VWA5B2: variants seen among roughly 807,000 people sequenced by gnomAD.
The protein encoded by VWA5B2 is von Willebrand factor A domain-containing protein 5B2.
VWA5B2 carries 93 observed loss-of-function variants against 118.5 expected under a neutral mutation model. That is an observed-to-expected ratio of 0.79 (90% CI 0.66 to 0.93). VWA5B2 has a LOEUF of 0.93. VWA5B2 is among the 40% of genes least tolerant of loss of function. The probability of loss-of-function intolerance (pLI) is 0.00; values close to 1 mark genes in which losing one functional copy is unlikely to be tolerated. For missense variants in VWA5B2, 1,546 were observed against 1,672.8 expected (o/e 0.92, Z 1.32); for synonymous variants, 708 against 716.3 (o/e 0.99, Z 0.19).
rs1262711996 is a variant in VWA5B2, at chr3:184,240,011, AG to A, written c.2719del (p.Ala907GlnfsTer34). ...RDNEQLALRG[G>X]AETTADRGHA... ...ACAATGAGCAGCTGGCCCTCCGAGG[AG>A]GGGCAGAGACCACAGCTGACCGGGG... On this transcript the variant is annotated frameshift_variant, in exon 16 of 20. Coordinates refer to ENST00000691901, the MANE Select transcript of VWA5B2 (RefSeq NM_001390846.1). LOFTEE classifies it high-confidence loss of function. The A allele has an allele frequency of 3.2e-6, 5 of 1,547,128 alleles. No individual in the cohort carries two copies. Among genetic ancestry groups the A allele is most frequent in the Non-Finnish European group, 4.4e-6 (5 of 1,145,410 alleles).
At position 184,238,878 on chromosome 3, in the gene VWA5B2, G is replaced by C. The variant is rs1465845695; in HGVS notation, c.2202+5G>C. ...CCCACACCAGCTCCATTCAAGGTGA[G>C]ATCCAACCCACATTCATTCGCCTTG... On this transcript the variant is annotated splice_donor_5th_base_variant and intron_variant, in intron 14 of 19. Transcript: ENST00000691901. The surrounding 1 kb of genome is among the most constrained non-coding windows in gnomAD (Gnocchi z 5.0). The C allele has an allele frequency of 1.3e-6, 2 of 1,481,824 alleles. No individual in the cohort carries two copies. Among genetic ancestry groups the C allele is most frequent in the Non-Finnish European group, 1.8e-6 (2 of 1,109,328 alleles). The allele number at this position is 1,481,824 out of a possible 1,614,324, so 91.8% of individuals were successfully genotyped here.
In VWA5B2 at chr3:184,241,782, G is replaced by GCGGCACCGACCTGCGGGGCCGGA. The variant is rs1718713755; in HGVS notation, c.3475_3497dup (p.Trp1167AlafsTer13). 6.7e-7 allele frequency: 1 copy of GCGGCACCGACCTGCGGGGCCGGA among 1,492,686 alleles called. No homozygotes were observed. Among genetic ancestry groups the GCGGCACCGACCTGCGGGGCCGGA allele is most frequent in the Non-Finnish European group, 8.9e-7 (1 of 1,123,436 alleles). 92.5% of individuals were successfully genotyped at this position (1,492,686 alleles called of 1,614,324 possible). ...GCCTCCGAGGGGGCGGAAGGGCTGG[G>GCGGCACCGACCTGCGGGGCCGGA]CGGCACCGACCTGCGGGGCCGGACC... On this transcript the variant is annotated frameshift_variant, in exon 20 of 20. Coordinates refer to ENST00000691901, the MANE Select transcript of VWA5B2 (RefSeq NM_001390846.1). LOFTEE classifies it high-confidence loss of function. This position sits in a 1 kb window ranked among gnomAD's most constrained non-coding sequence, Gnocchi z 5.1.
At chr3:184,235,442 G>A in intron 8 of VWA5B2, 134 bp downstream of exon 8, 1 of 1,036,978 alleles carries the variant, frequency 9.6e-7, no homozygotes, top group Admixed American at 2.5e-5. Context: ...GGAAGCAGAT[G>A]GCAACTCCTC....
At position 184,235,301 on chromosome 3, in the gene VWA5B2, C is replaced by T; in HGVS notation, c.1094C>T (p.Ala365Val). ...TTCCTTTTGGATAGCAGCAGCGTGG[C>T]ACACAAGGCCCGTGGGGGTGTGGTG... ...LLFLLDSSSV[A>V]HKDAIVLAVK... The change falls in exon 8 of 20, where the codon GCA becomes GTA. Residue 365 changes from alanine (A) to valine (V), a missense_variant. By Grantham distance (64) the Ala-to-Val change is moderately conservative. Coordinates refer to ENST00000691901, the MANE Select transcript of VWA5B2 (RefSeq NM_001390846.1). 1 of 1,551,440 alleles carries T rather than the reference C, an allele frequency of 6.4e-7. No homozygotes were observed. The highest frequency in any genetic ancestry group is 8.7e-7 in the Non-Finnish European group (1 of 1,146,886).
chr3:184,232,885 G>A, intron 3 of VWA5B2: 1 of 487,876 alleles, frequency 2.0e-6, no homozygotes, highest in Non-Finnish European at 3.6e-6. Context: ...CAGAGGGTGT[G>A]GGTATTCCCA....
chr3:184,239,522 A>G lies in VWA5B2; in HGVS notation c.2331A>G (p.Ala777=). Residue 777 remains alanine (A), a synonymous_variant, in exon 15 of 20, where the codon GCA becomes GCG. Transcript: ENST00000691901. This position sits in a 1 kb window ranked among gnomAD's most constrained non-coding sequence, Gnocchi z 5.1. ...GACCCCGGAAACCCTCTTTGGGTGC[A>G]ATACTAGATGGCCCAAGTCCTGAGC... The part of the protein sequence containing the change: ...PGRPRKPSLG[A]ILDGPSPEPG... 1 of 1,547,764 alleles carries G rather than the reference A, an allele frequency of 6.5e-7. No homozygotes were observed. Among genetic ancestry groups the G allele is most frequent in the African/African-American group, 1.4e-5 (1 of 72,784 alleles).
intron 3 of VWA5B2, chr3:184,232,901 T>C: frequency 1.9e-6 from 1 of 525,436 alleles, no homozygotes; most frequent in Non-Finnish European, 3.3e-6. Context: ...TCCCAGGGCC[T>C]TGAGAGTGGA....
chr3:184,235,880 ACACACAGTCATGTATACCTCCAGAGTCC>A (rs1560153139), intron 8 of VWA5B2, among the ~76,000 whole-genome samples: 19 of 151,504 alleles, frequency 1.3e-4, no homozygotes, highest in South Asian at 2.1e-4. Context: ...CCAGAGTCCC[ACACACAGTCATGTATACCTCCAGAGTCC>A]CACACAGTCA....
intron 16 of VWA5B2, 92 bp downstream of exon 16, chr3:184,240,128 C>T (rs1718423814): frequency 1.0e-6 from 1 of 997,384 alleles, no homozygotes; most frequent in Non-Finnish European, 1.4e-6. Flanking sequence ...CTCTATACCT[C>T]GCTTTGATCA....
rs759223907 is a variant in VWA5B2 at position 184,235,248 on chromosome 3, C to T, written c.1041C>T (p.His347=). The T allele has an allele frequency of 3.2e-6, 5 of 1,551,498 alleles. No homozygotes were observed. The highest frequency in any genetic ancestry group is 2.7e-5 in the African/African-American group (2 of 73,030). Reference sequence around the variant, plus strand: ...CAGACCTGAGCTCCAAGCCCGGACACCTGGGGACAGCTACTCGGGAGCTAC... The same window carrying T: ...CAGACCTGAGCTCCAAGCCCGGACATCTGGGGACAGCTACTCGGGAGCTAC... ...FCPDLSSKPG[H]LGTATRELLF... The change falls in exon 8 of 20, where the codon CAC becomes CAT. Residue 347 remains histidine, a synonymous_variant. Transcript: ENST00000691901.
At chr3:184,236,810 C>A in intron 11 of VWA5B2, 61 bp downstream of exon 11, 1 of 1,375,074 alleles carries the variant, frequency 7.3e-7, no homozygotes. Context: ...AGTTACACAT[C>A]AAGTCTGAAA....
At position 184,234,731 on chromosome 3, in the gene VWA5B2, A is replaced by G. The variant is rs1054030566; in HGVS notation, c.921A>G (p.Arg307=). ...GCCGAGATTTTCAGAGGCTACAGCG[A>G]AGGGACAGTGATGGGGACCGGCAGG... ...RARRDFQRLQ[R]RDSDGDRQVW... is the part of the protein sequence containing the mutation. Residue 307 remains arginine, a synonymous_variant, in exon 7 of 20, where the codon CGA becomes CGG. Transcript: ENST00000691901. The G allele has an allele frequency of 1.0e-5, 16 of 1,551,440 alleles. No individual in the cohort carries two copies. The highest frequency in any genetic ancestry group is 1.3e-5 in the Non-Finnish European group (15 of 1,146,992).
chr3:184,235,969 C>T (rs1025608800), intron 8 of VWA5B2, among the ~76,000 whole-genome samples, 183 bp from the exon 9 acceptor site: 1 of 152,284 alleles, frequency 6.6e-6, no homozygotes, highest in African/African-American at 2.4e-5. Context: ...CAGAGTCCCA[C>T]ACAGTCTCTC....
In VWA5B2 at chr3:184,241,841, C is replaced by T. The variant is rs759034432; in HGVS notation, c.3532C>T (p.His1178Tyr). The T allele has an allele frequency of 1.3e-6, 2 of 1,534,860 alleles. No individual in the cohort carries two copies. Among genetic ancestry groups the T allele is most frequent in the Non-Finnish European group, 8.8e-7 (1 of 1,141,630 alleles). ...TGCCGTAGCACTCGCCTGGCTGGAG[C>T]ACCGATGCGCCGCTGCCTTCGACGA... ...ATAVALAWLEHRCAAAFDEWE... is the reference protein window; with the variant it reads ...ATAVALAWLEYRCAAAFDEWE... The change falls in exon 20 of 20, where the codon CAC (histidine) becomes TAC (tyrosine). Residue 1178 changes from histidine to tyrosine, a missense_variant. Around this residue, in one of 3 missense-constraint regions of VWA5B2, gnomAD observed 763 missense variants for 766.6 expected, o/e 1.00. Transcript: ENST00000691901. This position sits in a 1 kb window ranked among gnomAD's most constrained non-coding sequence, Gnocchi z 5.1.
chr3:184,230,742 C>T lies in VWA5B2; in HGVS notation c.140-5C>T. ...TCCGACGCCGCCTCCCGCCGCCCTC[C>T]CCAGGCGTGTTCGTGTACCCGCTGG... On this transcript the variant is annotated splice_polypyrimidine_tract_variant and splice_region_variant and intron_variant, in intron 2 of 19. Transcript: ENST00000691901. 8.2e-7 allele frequency: 1 copy of T among 1,225,166 alleles called. No individual in the cohort carries two copies. The highest frequency in any genetic ancestry group is 4.4e-5 in the Admixed American group (1 of 22,880). 75.9% of individuals were successfully genotyped at this position (1,225,166 alleles called of 1,614,324 possible). A position where few individuals can be genotyped will look rare whatever the true frequency, so the allele number is the denominator to read the frequency against.
Position 184,233,478 on chromosome 3 carries a change from C to A in VWA5B2, c.530+81C>A. The A allele has an allele frequency of 6.6e-7, 1 of 1,505,854 alleles. No individual in the cohort carries two copies. The highest frequency in any genetic ancestry group is 8.9e-7 in the Non-Finnish European group (1 of 1,124,480). The allele number at this position is 1,505,854 out of a possible 1,614,324, so 93.3% of individuals were successfully genotyped here. A position where few individuals can be genotyped will look rare whatever the true frequency, so the allele number is the denominator to read the frequency against. ...GGGTGAGGGGGCACTGGCAGGGTAC[C>A]CAGGGATGGGAAGGGTGAGGAAGGG... On this transcript the variant is annotated intron_variant, in intron 4 of 19. Transcript: ENST00000691901. This position sits in a 1 kb window ranked among gnomAD's most constrained non-coding sequence, Gnocchi z 5.2.
Position 184,239,070 on chromosome 3 carries a change from A to T in VWA5B2, c.2202+197A>T, listed in dbSNP as rs907603307. 1.3e-5 allele frequency among the ~76,000 whole-genome samples: 2 copies of T among 152,224 alleles called. No individual in the cohort carries two copies. Among genetic ancestry groups the T allele is most frequent in the African/African-American group, 4.8e-5 (2 of 41,456 alleles). On this transcript the variant is annotated intron_variant, in intron 14 of 19. Coordinates refer to ENST00000691901, the MANE Select transcript of VWA5B2 (RefSeq NM_001390846.1). This position sits in a 1 kb window ranked among gnomAD's most constrained non-coding sequence, Gnocchi z 5.1. ...AGGGGGCTTAAAGTCAGGGTGACTAATTCTGCCTGAGAGAGTCAGGAAAGT... is the reference window on the plus strand; with the variant it reads ...AGGGGGCTTAAAGTCAGGGTGACTATTTCTGCCTGAGAGAGTCAGGAAAGT...
In VWA5B2 at chr3:184,238,921, T is replaced by C. The variant is rs1209569874; in HGVS notation, c.2202+48T>C. On this transcript the variant is annotated intron_variant, in intron 14 of 19. Coordinates refer to ENST00000691901, the MANE Select transcript of VWA5B2 (RefSeq NM_001390846.1). This position sits in a 1 kb window ranked among gnomAD's most constrained non-coding sequence, Gnocchi z 5.0. ...TCGCCTTGTATCCAGCAAATATTTA[T>C]TTACCACCTGCTGTGCACCAGATAT... 7.0e-7 allele frequency: 1 copy of C among 1,432,136 alleles called. No individual in the cohort carries two copies. Among genetic ancestry groups the C allele is most frequent in the East Asian group, 2.5e-5 (1 of 39,736 alleles). The allele number at this position is 1,432,136 out of a possible 1,614,324, so 88.7% of individuals were successfully genotyped here.
At position 184,237,452 on chromosome 3, in the gene VWA5B2, G is replaced by T. The variant is rs1210004763; in HGVS notation, c.1719+41G>T. On this transcript the variant is annotated intron_variant, in intron 12 of 19. Coordinates refer to ENST00000691901, the MANE Select transcript of VWA5B2 (RefSeq NM_001390846.1). The surrounding 1 kb of genome is among the most constrained non-coding windows in gnomAD (Gnocchi z 5.6). ...GGTGTGGTAGGGGGGCTAGGGTGAG[G>T]TAGGGGGGCCTGGGATGGCTGAAGT... 1 of 1,519,850 alleles carries T rather than the reference G, an allele frequency of 6.6e-7. No individual in the cohort carries two copies. The highest frequency in any genetic ancestry group is 1.4e-5 in the African/African-American group (1 of 72,516). The allele number at this position is 1,519,850 out of a possible 1,614,324, so 94.1% of individuals were successfully genotyped here. A position where few individuals can be genotyped will look rare whatever the true frequency, so the allele number is the denominator to read the frequency against.
Sources: allele counts gnomAD v4.1 joint callset (sites outside exome capture counted in the v4.1 genomes callset), GRCh38; gene constraint gnomAD v4.1.1; regional missense constraint gnomAD v4.1.1; non-coding constraint Gnocchi (gnomAD v3.1); transcripts MANE v1.5; gene names NCBI Gene and HGNC (gene_info 2026-07-23, HGNC 2026-07-21).